Variants in STK32B observed in about 807,000 individuals in gnomAD.
STK32B encodes the protein serine/threonine-protein kinase 32B.
A neutral mutation model predicts 52.6 loss-of-function variants in STK32B; 43 were observed. The observed-to-expected ratio is 0.82, with a 90% CI of 0.64 to 1.05. The LOEUF (loss-of-function observed/expected upper bound fraction) is 1.05, where lower values mean the gene tolerates loss of function less well. Among genes scored for constraint, STK32B ranks in the 50% least tolerant of loss-of-function variants. STK32B has a pLI of 0.00. For synonymous variants in STK32B, 238 were observed against 204.3 expected, an observed-to-expected ratio of 1.17 and a Z score of -1.41; for missense variants, 621 against 534.6, an observed-to-expected ratio of 1.16 and a Z score of -1.59.
chr4:5,291,825 C>A (rs1207796972), intron 3 of STK32B, among the ~76,000 whole-genome samples: 1 of 151,854 alleles, frequency 6.6e-6, no homozygotes, highest in Non-Finnish European at 1.5e-5. Context: ...CATAGATGCC[C>A]TTTATTAAGT....
Position 5,498,891 on chromosome 4 carries a change from G to T in STK32B, c.1107-54G>T, listed in dbSNP as rs772475130. 3.9e-6 allele frequency: 6 copies of T among 1,542,546 alleles called. No homozygotes were observed. In the Admixed American group the frequency reaches 7.4e-5, roughly 19 times the overall value. On this transcript the variant is annotated intron_variant, in intron 11 of 11. Coordinates refer to ENST00000282908, the MANE Select transcript of STK32B (RefSeq NM_018401.3). The stretch of plus-strand genomic sequence containing the variant: ...TGCCTGCCCAGTGTGTCTCCTGGAT[G>T]TGCCTCCACAACCCCATGCCGCACC...
At chr4:5,362,219 C>T (rs1219657989) in intron 4 of STK32B, among the ~76,000 whole-genome samples, 2 of 152,098 alleles carry the variant, frequency 1.3e-5, no homozygotes, top group East Asian at 1.9e-4. Flanking sequence ...AAGTTGGAAT[C>T]GCAGATATGA....
chr4:5,244,429 T>C (rs917946992), intron 3 of STK32B, among the ~76,000 whole-genome samples: 2 of 152,236 alleles, frequency 1.3e-5, no homozygotes, highest in African/African-American at 4.8e-5. Context: ...GATATGCCCA[T>C]TGTCATTTTT....
chr4:5,408,019 G>T (rs1013210575), intron 5 of STK32B, among the ~76,000 whole-genome samples: 1 of 152,122 alleles, frequency 6.6e-6, no homozygotes, highest in African/African-American at 2.4e-5. Flanking sequence ...GAACCAGGAA[G>T]CAGGCCCTCC....
the STK32B span, among the ~76,000 whole-genome samples, chr4:5,021,385 G>C: frequency 1.3e-5 from 2 of 152,046 alleles, no homozygotes; most frequent in Non-Finnish European, 2.9e-5. Flanking sequence ...TGTGCTTGGA[G>C]GTGGCAAGTG....
rs1408799998 is a variant in STK32B at position 5,380,822 on chromosome 4, C to T, written c.435-17385C>T. Among the ~76,000 whole-genome samples, 1 of 152,152 alleles carries T rather than the reference C, an allele frequency of 6.6e-6. No individual in the cohort carries two copies. Among genetic ancestry groups the T allele is most frequent in the East Asian group, 1.9e-4 (1 of 5,188 alleles). On this transcript the variant is annotated intron_variant, in intron 4 of 11. Coordinates refer to ENST00000282908, the MANE Select transcript of STK32B (RefSeq NM_018401.3). This position sits in a 1 kb window ranked among gnomAD's most constrained non-coding sequence, Gnocchi z 4.3. ...TCCTTACAACAGCCTACAAGTAGAG[C>T]TTAGATCTTCATGGTGTGGTAAAGA...
In STK32B at chr4:5,405,430, G is replaced by A. The variant is rs550350267; in HGVS notation, c.472+7186G>A. Among the ~76,000 whole-genome samples, 3 of 152,288 alleles carry A rather than the reference G, an allele frequency of 2.0e-5. No homozygotes were observed. The East Asian group carries it at 5.8e-4, about 29-fold the overall frequency. On this transcript the variant is annotated intron_variant, in intron 5 of 11. Transcript: ENST00000282908. ...GGAGTGCTATGGTCTGAATGTTTGT[G>A]TCCCCACAAAATTCAAAGGTTGAAA...
At chr4:5,414,911 G>A (rs147985503) in intron 5 of STK32B, among the ~76,000 whole-genome samples, 44 of 152,288 alleles carry the variant, frequency 2.9e-4, no homozygotes, top group Non-Finnish European at 5.0e-4. Flanking sequence ...AGAGGGAGAA[G>A]GCGCAAGAAA....
chr4:5,070,043 A>G (rs1417970839), intron 1 of STK32B, among the ~76,000 whole-genome samples: 2 of 152,176 alleles, frequency 1.3e-5, no homozygotes, highest in African/African-American at 4.8e-5. Flanking sequence ...GAAGGCAGGC[A>G]GGGGGCTGCT....
chr4:5,185,537 G>C (rs189300657), intron 3 of STK32B, among the ~76,000 whole-genome samples: 400 of 152,332 alleles, frequency 2.6e-3, no homozygotes, highest in Non-Finnish European at 4.6e-3. Context: ...GGAGGGCAGG[G>C]AAAGGGACGT....
At chr4:5,308,104 C>T (rs62300000) in intron 3 of STK32B, among the ~76,000 whole-genome samples, 1 of 152,104 alleles carries the variant, frequency 6.6e-6, no homozygotes, top group Admixed American at 6.6e-5. Flanking sequence ...TGTTGTTTAG[C>T]CTCCAGCCAG....
rs60045441 is a variant in STK32B, at chr4:5,281,351, G to C, written c.261-49869G>C. ...CAAACTAACACAGGAGCAGAAAACT[G>C]AACACTGCATGTTCTCACTCGTAAG... On this transcript the variant is annotated intron_variant, in intron 3 of 11. Transcript: ENST00000282908. 3.6e-3 allele frequency among the ~76,000 whole-genome samples: 548 copies of C among 152,188 alleles called. 2 individuals are homozygous for C. The highest frequency in any genetic ancestry group is 0.012 in the African/African-American group (492 of 41,536).
chr4:5,172,108 T>C (rs1459476705), intron 3 of STK32B, among the ~76,000 whole-genome samples: 5 of 101,430 alleles, frequency 4.9e-5, no homozygotes, highest in Admixed American at 1.8e-4. Context: ...GGCTCTCTGT[T>C]TGTCTGTTGT....
intron 3 of STK32B, among the ~76,000 whole-genome samples, chr4:5,187,899 T>C (rs1174563576): frequency 2.0e-5 from 3 of 152,290 alleles, no homozygotes; most frequent in Admixed American, 6.5e-5. Context: ...GATGCTACTC[T>C]GAGGGAGAGG....
chr4:5,188,338 C>CTGTAGTGAGCT (rs1267197197), intron 3 of STK32B, among the ~76,000 whole-genome samples: 1 of 152,158 alleles, frequency 6.6e-6, no homozygotes, highest in Non-Finnish European at 1.5e-5. Context: ...TATTCACCTG[C>CTGTAGTGAGCT]TGTAGTGAGC....
intron 3 of STK32B, among the ~76,000 whole-genome samples, chr4:5,286,860 C>T (rs575622562): frequency 2.1e-5 from 3 of 145,490 alleles, no homozygotes; most frequent in South Asian, 4.3e-4. Flanking sequence ...TGCAGTGACG[C>T]GATCTTGGCT....
chr4:5,355,135 G>A (rs1734087107), intron 4 of STK32B, among the ~76,000 whole-genome samples: 1 of 152,186 alleles, frequency 6.6e-6, no homozygotes, highest in Non-Finnish European at 1.5e-5. Flanking sequence ...TGTTAAAGCA[G>A]CAACAGGAAA....
chr4:5,163,610 C>T (rs1456722546), intron 2 of STK32B, among the ~76,000 whole-genome samples: 1 of 149,306 alleles, frequency 6.7e-6, no homozygotes, highest in African/African-American at 2.5e-5. Context: ...TTGGAGGGGA[C>T]AAGGTCTTTG....
intron 11 of STK32B, among the ~76,000 whole-genome samples, chr4:5,477,208 T>C (rs1283899856): frequency 6.6e-6 from 1 of 152,084 alleles, no homozygotes; most frequent in Non-Finnish European, 1.5e-5. Context: ...TGGCTATTAT[T>C]ATCAGTGAGG....
Sources: allele counts gnomAD v4.1 joint callset (sites outside exome capture counted in the v4.1 genomes callset), GRCh38; gene constraint gnomAD v4.1.1; non-coding constraint Gnocchi (gnomAD v3.1); transcripts MANE v1.5; gene names NCBI Gene and HGNC (gene_info 2026-07-23, HGNC 2026-07-21).